TMEM108: variants seen among roughly 807,000 people sequenced by gnomAD.
TMEM108 encodes the protein cancer/testis antigen 124.
A neutral mutation model predicts 35.1 loss-of-function variants in TMEM108; 12 were observed. The observed-to-expected ratio is 0.34, with a 90% confidence interval of 0.22 to 0.55. The LOEUF (loss-of-function observed/expected upper bound fraction) is 0.55, where lower values mean the gene tolerates loss of function less well. Ranked by LOEUF, TMEM108 falls within the 20% of genes least tolerant of loss-of-function variation. The pLI is 0.89. For missense variants in TMEM108, 680 were observed against 753.3 expected, an observed-to-expected ratio of 0.90 and a Z score of 1.14; for synonymous variants, 287 against 308.6, an observed-to-expected ratio of 0.93 and a Z score of 0.73.
At chr3:133,302,219 G>A (rs6792283) in intron 3 of TMEM108, among the ~76,000 whole-genome samples, 1 of 152,068 alleles carries the variant, frequency 6.6e-6, no homozygotes. Flanking sequence ...TCATTTTCTT[G>A]TTAAAACCCA....
chr3:133,174,681 C>T (rs1945184099), intron 2 of TMEM108, among the ~76,000 whole-genome samples: 1 of 152,166 alleles, frequency 6.6e-6, no homozygotes, highest in Non-Finnish European at 1.5e-5. Flanking sequence ...ATCAGTACAT[C>T]ACCATCATCA....
chr3:133,332,082 G>GCA (rs66877804), intron 3 of TMEM108, among the ~76,000 whole-genome samples: 6,424 of 150,994 alleles, frequency 0.043, 260 homozygotes, highest in African/African-American at 0.11. Context: ...GTGCGCACGT[G>GCA]CACACACACA....
intron 2 of TMEM108, among the ~76,000 whole-genome samples, chr3:133,134,459 TAAG>T (rs1944536533): frequency 6.6e-6 from 1 of 152,174 alleles, no homozygotes; most frequent in Admixed American, 6.5e-5. Context: ...TGTGATATAA[TAAG>T]AAATATATAT....
At chr3:133,238,529 G>T (rs1174719783) in intron 3 of TMEM108, among the ~76,000 whole-genome samples, 1 of 152,194 alleles carries the variant, frequency 6.6e-6, no homozygotes, top group Non-Finnish European at 1.5e-5. Flanking sequence ...ACTGGGAAAT[G>T]TACTTTCTGA....
At chr3:133,247,985 A>G (rs1354565610) in intron 3 of TMEM108, 1 of 152,182 alleles carries the variant, frequency 6.6e-6, no homozygotes, top group East Asian at 1.9e-4. Context: ...AGTATAATCA[A>G]GGAGAAAGGG....
intron 2 of TMEM108, among the ~76,000 whole-genome samples, chr3:133,064,949 G>T (rs1056573795): frequency 6.6e-6 from 1 of 152,122 alleles, no homozygotes; most frequent in African/African-American, 2.4e-5. Context: ...CTGTGATAGA[G>T]TCATGATCAT....
chr3:133,092,428 A>G (rs1388185182), intron 2 of TMEM108, among the ~76,000 whole-genome samples: 1 of 152,184 alleles, frequency 6.6e-6, no homozygotes, highest in African/African-American at 2.4e-5. Context: ...ATAATTTTTT[A>G]GTTGGACAGT....
At chr3:133,177,018 T>A (rs1186017538) in intron 2 of TMEM108, among the ~76,000 whole-genome samples, 1 of 152,050 alleles carries the variant, frequency 6.6e-6, no homozygotes, top group African/African-American at 2.4e-5. Context: ...CAAACTACCA[T>A]CAGAGAATAC....
chr3:133,334,185 A>G (rs6774247), intron 3 of TMEM108, among the ~76,000 whole-genome samples: 46,565 of 152,012 alleles, frequency 0.31, 7,859 homozygotes, highest in East Asian at 0.47. Flanking sequence ...ATACTACCTG[A>G]TCCTCAATCT....
intron 2 of TMEM108, among the ~76,000 whole-genome samples, chr3:133,063,833 A>G (rs1943564007): frequency 6.6e-6 from 1 of 152,104 alleles, no homozygotes; most frequent in Admixed American, 6.5e-5. Context: ...CCCCAGCCAG[A>G]GGAGGGGCTG....
chr3:133,392,835 A>G (rs1036036017), intron 5 of TMEM108, among the ~76,000 whole-genome samples: 1 of 152,066 alleles, frequency 6.6e-6, no homozygotes, highest in Non-Finnish European at 1.5e-5. Flanking sequence ...CCCTCGCACC[A>G]TGAGTGCTGC....
At chr3:133,358,727 C>G (rs2072253641) in intron 3 of TMEM108, among the ~76,000 whole-genome samples, 1 of 152,116 alleles carries the variant, frequency 6.6e-6, no homozygotes, top group African/African-American at 2.4e-5. Context: ...CACCTTCCCT[C>G]CAATTCACTC....
chr3:133,356,224 C>T (rs537856031), intron 3 of TMEM108, among the ~76,000 whole-genome samples: 9 of 151,176 alleles, frequency 6.0e-5, no homozygotes, highest in Non-Finnish European at 1.0e-4. Context: ...ACTTTTACAA[C>T]AGCTGAAAAA....
chr3:133,066,641 C>G (rs1322382085), intron 2 of TMEM108, among the ~76,000 whole-genome samples: 1 of 152,180 alleles, frequency 6.6e-6, no homozygotes, highest in South Asian at 2.1e-4. Context: ...ATAGTTTACT[C>G]AGTGTTTGTT....
chr3:133,086,797 T>C (rs1320606601), intron 2 of TMEM108, among the ~76,000 whole-genome samples: 2 of 152,230 alleles, frequency 1.3e-5, no homozygotes, highest in African/African-American at 2.4e-5. Flanking sequence ...TAGAGCTCTT[T>C]GTCCACTATG....
chr3:133,256,973 G>A (rs566418658), intron 3 of TMEM108: 2 of 152,220 alleles, frequency 1.3e-5, no homozygotes, highest in African/African-American at 4.8e-5. Flanking sequence ...TCATGGCTTG[G>A]TGAGAGGGAT....
At chr3:133,360,007 TA>T (rs59374214) in intron 3 of TMEM108, among the ~76,000 whole-genome samples, 1,231 of 112,874 alleles carry the variant, frequency 0.011, 16 homozygotes, top group African/African-American at 0.038. Flanking sequence ...ACTCAACAGT[TA>T]AAAAAAAAAA....
intron 2 of TMEM108, among the ~76,000 whole-genome samples, chr3:133,061,085 G>A (rs1943528920): frequency 6.6e-6 from 1 of 152,040 alleles, no homozygotes; most frequent in Non-Finnish European, 1.5e-5. Context: ...GTTTGTAAAT[G>A]TATGGATGTA....
At chr3:133,147,526 C>T (rs1944738984) in intron 2 of TMEM108, among the ~76,000 whole-genome samples, 1 of 152,132 alleles carries the variant, frequency 6.6e-6, no homozygotes, top group Admixed American at 6.6e-5. Flanking sequence ...TGGCCACATA[C>T]ATGTTTTCTT....
Sources: gnomAD v4.1 joint callset for allele counts (sites outside exome capture counted in the v4.1 genomes callset) on GRCh38, gnomAD v4.1.1 for gene constraint, MANE v1.5 for transcripts, NCBI Gene and HGNC (gene_info 2026-07-23, HGNC 2026-07-21) for gene names.